The following CDHR4 variants were observed in gnomAD, a reference collection of about 807,000 sequenced individuals.
CDHR4 encodes the protein cadherin-related family member 4.
CDHR4 carries 89 observed loss-of-function variants against 88.4 expected under a neutral mutation model. The observed-to-expected ratio is 1.01, with a 90% CI of 0.85 to 1.20. The LOEUF is 1.20. Among genes scored for constraint, CDHR4 ranks in the 50% most tolerant of loss-of-function variants. The pLI is 0.00. For synonymous variants in CDHR4, 368 were observed against 399.2 expected, an observed-to-expected ratio of 0.92 and a Z score of 0.93; for missense variants, 914 against 1,007.2, an observed-to-expected ratio of 0.91 and a Z score of 1.25.
Position 49,795,455 on chromosome 3 carries a change from A to T in CDHR4, c.848-76T>A. The T allele has an allele frequency of 6.6e-7, 1 of 1,509,916 alleles. No homozygotes were observed. Among genetic ancestry groups the T allele is most frequent in the Non-Finnish European group, 8.9e-7 (1 of 1,125,390 alleles). The allele number at this position is 1,509,916 out of a possible 1,614,324, so 93.5% of individuals were successfully genotyped here. A position where few individuals can be genotyped will look rare whatever the true frequency, so the allele number is the denominator to read the frequency against. ...CAGCCCCGCCTCCCAGCTCAGTCCC[A>T]CTCCTGCCAGCCCACCAGATCCATA... On this transcript the variant is annotated intron_variant, in intron 7 of 18. Coordinates refer to ENST00000412678, the MANE Select transcript of CDHR4 (RefSeq NM_001007540.4). This position sits in a 1 kb window ranked among gnomAD's most constrained non-coding sequence, Gnocchi z 5.4.
rs2081256901 is a variant in CDHR4 at position 49,795,488 on chromosome 3, G to A, written c.848-109C>T. The A allele has an allele frequency of 4.7e-6, 7 of 1,490,990 alleles. No individual in the cohort carries two copies. The South Asian group carries it at 7.8e-5, about 17-fold the overall frequency. 92.4% of individuals were successfully genotyped at this position (1,490,990 alleles called of 1,614,324 possible). On this transcript the variant is annotated intron_variant, in intron 7 of 18. Coordinates refer to ENST00000412678, the MANE Select transcript of CDHR4 (RefSeq NM_001007540.4). This position sits in a 1 kb window ranked among gnomAD's most constrained non-coding sequence, Gnocchi z 5.4. ...CAGCCCACCAGATCCATAGGCAAAG[G>A]AGGCCGCTGAGCCTGGCCCTCCTGC...
At chr3:49,797,569 C>T (rs1328527821) in intron 4 of CDHR4, among the ~76,000 whole-genome samples, 4 of 152,148 alleles carry the variant, frequency 2.6e-5, no homozygotes, top group Non-Finnish European at 5.9e-5. Flanking sequence ...GCAGCCTCCA[C>T]CTCCTGGGTT....
At position 49,791,818 on chromosome 3, in the gene CDHR4, G is replaced by C; in HGVS notation, c.2196-17C>G. On this transcript the variant is annotated splice_polypyrimidine_tract_variant and intron_variant, in intron 16 of 18. Transcript: ENST00000412678. ...CCCTGGATGCTGGGGCAAAGTACGA[G>C]CAAGAGTACAGGGCAAGGCTCTGGG... is the stretch of plus-strand genomic sequence containing the variant. 2 of 1,551,678 alleles carry C rather than the reference G, an allele frequency of 1.3e-6. No individual in the cohort carries two copies. The highest frequency in any genetic ancestry group is 8.7e-7 in the Non-Finnish European group (1 of 1,146,942).
chr3:49,802,133 T>TCTCCTTCTC (rs1173278610), upstream of CDHR4, among the ~76,000 whole-genome samples: 1 of 148,840 alleles, frequency 6.7e-6, no homozygotes, highest in Non-Finnish European at 1.5e-5. Context: ...TTCTCCTTCT[T>TCTCCTTCTC]CTCCTTCTCC....
chr3:49,800,745 G>A (rs1197344229), upstream of CDHR4, among the ~76,000 whole-genome samples: 2 of 151,842 alleles, frequency 1.3e-5, no homozygotes, highest in Admixed American at 6.6e-5. Flanking sequence ...TCTATTTATT[G>A]TATTTATATG....
Position 49,793,699 on chromosome 3 carries a change from A to G in CDHR4, c.1507T>C (p.Leu503=), listed in dbSNP as rs751528055. The change falls in exon 12 of 19, where the codon TTG becomes CTG. Residue 503 remains leucine (L), a synonymous_variant. Transcript: ENST00000412678. ...TACAGCCTCTGCTGCTCATAGTCCA[A>G]AGGTCCCAGGAGGTGAACTTCCCCT... ...LSGEVHLLGP[L]DYEQQRLYRL... is the part of the protein sequence containing the mutation. 41 of 1,551,604 alleles carry G rather than the reference A, an allele frequency of 2.6e-5. No individual in the cohort carries two copies. The Admixed American group carries it at 2.7e-4, about 10-fold the overall frequency.
In CDHR4 at chr3:49,791,434, G is replaced by T. The variant is rs1371764644; in HGVS notation, c.2311+7C>A. On this transcript the variant is annotated splice_region_variant and intron_variant, in intron 18 of 18. Transcript: ENST00000412678. ...GCAGAGAATAGCTTAGGAAGAGGGGGACTCACGGGAGTCCTGTGCTCTGCC... is the reference window on the plus strand; with the variant it reads ...GCAGAGAATAGCTTAGGAAGAGGGGTACTCACGGGAGTCCTGTGCTCTGCC... 1.3e-6 allele frequency: 2 copies of T among 1,542,902 alleles called. No homozygotes were observed. Among genetic ancestry groups the T allele is most frequent in the South Asian group, 1.2e-5 (1 of 82,368 alleles).
At position 49,792,863 on chromosome 3, in the gene CDHR4, G is replaced by A; in HGVS notation, c.1986C>T (p.His662=). ...RRASTVATST[H]RTTVPSTMTP... is the part of the protein sequence containing the mutation. ...CAAGGAGCCTCCTCACTGTGGTTCT[G>A]TGGGTGCTGGTGGCCACTGTGCTGG... The change falls in exon 14 of 19, where the codon CAC becomes CAT. Residue 662 remains histidine, a synonymous_variant. Coordinates refer to ENST00000412678, the MANE Select transcript of CDHR4 (RefSeq NM_001007540.4). 2 of 1,538,408 alleles carry A rather than the reference G, an allele frequency of 1.3e-6. No homozygotes were observed. The highest frequency in any genetic ancestry group is 1.8e-6 in the Non-Finnish European group (2 of 1,137,468).
upstream of CDHR4, among the ~76,000 whole-genome samples, chr3:49,800,882 CAAA>C (rs765360361): frequency 3.6e-5 from 2 of 54,928 alleles, no homozygotes. Context: ...CCTGTCTCTA[CAAA>C]AAAAAAAAAA....
At position 49,799,110 on chromosome 3, in the gene CDHR4, T is replaced by C; in HGVS notation, c.287A>G (p.His96Arg). Reference sequence around the variant, plus strand: ...TGTGAACTTCAGCTGCACCTTGTAGTGGTTCACCATCAGGGCATCCAACTG... The same window carrying C: ...TGTGAACTTCAGCTGCACCTTGTAGCGGTTCACCATCAGGGCATCCAACTG... ...SAQLDALMVN[H>R]YKVQLKFTCG... The change falls in exon 3 of 19, where the codon CAC (histidine) becomes CGC (arginine). Residue 96 changes from histidine to arginine, a missense_variant. By Grantham distance (29) the His-to-Arg change is conservative. Transcript: ENST00000412678. 6.4e-7 allele frequency: 1 copy of C among 1,574,482 alleles called. No individual in the cohort carries two copies.
intron 5 of CDHR4, among the ~76,000 whole-genome samples, chr3:49,796,711 C>A (rs1477641808): frequency 6.6e-6 from 1 of 152,150 alleles, no homozygotes; most frequent in Admixed American, 6.5e-5. Flanking sequence ...TGTGAATTCC[C>A]AGAGAGAGGG....
Position 49,798,886 on chromosome 3 carries a change from G to A in CDHR4, c.435C>T (p.Val145=), listed in dbSNP as rs758269166. The change falls in exon 4 of 19, where the codon GTC becomes GTT. Residue 145 remains valine, a synonymous_variant. Coordinates refer to ENST00000412678, the MANE Select transcript of CDHR4 (RefSeq NM_001007540.4). The part of the protein sequence containing the change: ...AGEMIQVPET[V]TPGARLYTLL... ...GAGTGTACAGCCGAGCCCCAGGTGT[G>A]ACTGTCTCTGGCACCTGAATCATTT... 1.2e-6 allele frequency: 2 copies of A among 1,613,878 alleles called. No homozygotes were observed. Among genetic ancestry groups the A allele is most frequent in the Non-Finnish European group, 1.7e-6 (2 of 1,179,844 alleles).
intron 10 of CDHR4, among the ~76,000 whole-genome samples, chr3:49,794,265 G>A (rs34735338): frequency 0.24 from 36,454 of 152,088 alleles, 4,889 homozygotes; most frequent in Non-Finnish European, 0.31. Context: ...GGGCGTGGTG[G>A]CCGGCACCTG....
Position 49,793,865 on chromosome 3 carries a change from T to C in CDHR4, c.1421A>G (p.His474Arg), listed in dbSNP as rs946914852. Residue 474 changes from histidine to arginine, a missense_variant, in exon 11 of 19, where the codon CAT becomes CGT. By Grantham distance (29) the His-to-Arg change is conservative (BLOSUM62 0). Transcript: ENST00000412678. ...SVVGTDMDYPHDNIEYYTSGG... is the reference protein window; with the variant it reads ...SVVGTDMDYPRDNIEYYTSGG... ...AGAGGTGTAGTACTCAATGTTGTCA[T>C]GAGGGTAATCCATATCCGTGCCCAC... 1.2e-5 allele frequency: 18 copies of C among 1,551,616 alleles called. No individual in the cohort carries two copies. The highest frequency in any genetic ancestry group is 3.9e-5 in the Admixed American group (2 of 50,988).
intron 4 of CDHR4, among the ~76,000 whole-genome samples, chr3:49,797,763 G>A (rs1368695266): frequency 6.6e-6 from 1 of 152,074 alleles, no homozygotes; most frequent in African/African-American, 2.4e-5. Context: ...TTACAGGTGT[G>A]AGCCACTGTG....
rs1480560276 is a variant in CDHR4, at chr3:49,793,797, A to C, written c.1483+6T>G. On this transcript the variant is annotated splice_donor_region_variant and intron_variant, in intron 11 of 18. Coordinates refer to ENST00000412678, the MANE Select transcript of CDHR4 (RefSeq NM_001007540.4). ...TGTTTCCATCCCAGCCCTGGGGTGGATGTACCGCTGAGACGGTCCACAGCA... is the reference window on the plus strand; with the variant it reads ...TGTTTCCATCCCAGCCCTGGGGTGGCTGTACCGCTGAGACGGTCCACAGCA... 4 of 1,551,580 alleles carry C rather than the reference A, an allele frequency of 2.6e-6. No homozygotes were observed. Among genetic ancestry groups the C allele is most frequent in the African/African-American group, 1.4e-5 (1 of 73,046 alleles).
In CDHR4 at chr3:49,794,720, A is replaced by T. The variant is rs1314341714; in HGVS notation, c.1186-19T>A. ...CATTCACCTAGCCAAAGGGGCTAGA[A>T]AGTGAGGTCCAGCCAGGGCCTGAGA... is the stretch of plus-strand genomic sequence containing the variant. On this transcript the variant is annotated intron_variant, in intron 9 of 18. Coordinates refer to ENST00000412678, the MANE Select transcript of CDHR4 (RefSeq NM_001007540.4). 7 of 1,545,052 alleles carry T rather than the reference A, an allele frequency of 4.5e-6. No individual in the cohort carries two copies. In the Admixed American group the frequency reaches 1.4e-4, roughly 31 times the overall value.
chr3:49,795,692 C>A lies in CDHR4; in HGVS notation c.783G>T (p.Arg261=). 1 of 1,551,666 alleles carries A rather than the reference C, an allele frequency of 6.4e-7. No homozygotes were observed. The highest frequency in any genetic ancestry group is 8.7e-7 in the Non-Finnish European group (1 of 1,146,974). Residue 261 remains arginine, a synonymous_variant, in exon 7 of 19, where the codon CGG becomes CGT. Coordinates refer to ENST00000412678, the MANE Select transcript of CDHR4 (RefSeq NM_001007540.4). This position sits in a 1 kb window ranked among gnomAD's most constrained non-coding sequence, Gnocchi z 5.4. ...PGSEVVQVQA[R]GVDLRYEILS... The stretch of plus-strand genomic sequence containing the variant: ...GGATTTCATAGCGCAGGTCGACACC[C>A]CGGGCCTGGACCTGAACCACCTCAC...
intron 12 of CDHR4, 133 bp from the exon 13 acceptor site, chr3:49,793,444 G>A (rs1182239427): frequency 1.4e-6 from 2 of 1,451,718 alleles, no homozygotes; most frequent in African/African-American, 2.8e-5. Flanking sequence ...AGGCTCCAGA[G>A]CTTTCAATTA....
Sources: gnomAD v4.1 joint callset for allele counts (sites outside exome capture counted in the v4.1 genomes callset) on GRCh38, gnomAD v4.1.1 for gene constraint, Gnocchi (gnomAD v3.1) non-coding constraint, MANE v1.5 for transcripts, NCBI Gene and HGNC (gene_info 2026-07-23, HGNC 2026-07-21) for gene names.